ASTN1: variants seen among roughly 807,000 people sequenced by gnomAD.
ASTN1 encodes astrotactin 1, also known as astrotactin-1.
ASTN1 carries 41 observed loss-of-function variants against 140.7 expected under a neutral mutation model. That is an observed-to-expected ratio of 0.29 (90% CI 0.23 to 0.38). The LOEUF is 0.38. Ranked by LOEUF, ASTN1 falls within the 10% of genes least tolerant of loss-of-function variation. ASTN1 has a pLI of 1.00. For synonymous variants in ASTN1, 640 were observed against 652.2 expected, an observed-to-expected ratio of 0.98 and a Z score of 0.29; for missense variants, 1,479 against 1,678.8, an observed-to-expected ratio of 0.88 and a Z score of 2.08.
intron 1 of ASTN1, among the ~76,000 whole-genome samples, chr1:177,069,796 C>T (rs982266171): frequency 2.0e-5 from 3 of 151,542 alleles, no homozygotes; most frequent in Admixed American, 1.3e-4. Context: ...TTCTCTGGAT[C>T]TTTTCAAACC....
chr1:177,054,695 T>C (rs6694600), intron 2 of ASTN1, among the ~76,000 whole-genome samples: 12,311 of 152,152 alleles, frequency 0.081, 1,042 homozygotes, highest in African/African-American at 0.22. Context: ...TTAACAGCAG[T>C]GGGAACAAAG....
chr1:177,047,748 C>T (rs1677313915), intron 2 of ASTN1, among the ~76,000 whole-genome samples: 1 of 151,990 alleles, frequency 6.6e-6, no homozygotes, highest in Admixed American at 6.5e-5. Context: ...AAGGAAGGCA[C>T]AAGAAGAGGA....
At chr1:177,119,618 C>T (rs1386951992) in intron 1 of ASTN1, among the ~76,000 whole-genome samples, 1 of 152,188 alleles carries the variant, frequency 6.6e-6, no homozygotes. Flanking sequence ...AACCTCTCAT[C>T]CTTCAAGCAA....
chr1:176,868,659 G>A (rs574797916), intron 22 of ASTN1, among the ~76,000 whole-genome samples, 185 bp downstream of exon 22: 41 of 152,260 alleles, frequency 2.7e-4, no homozygotes, highest in Admixed American at 2.6e-3. Context: ...TGGCTGGACT[G>A]CTTAAATAGA....
At chr1:177,057,930 C>A (rs935382497) in intron 2 of ASTN1, among the ~76,000 whole-genome samples, 2 of 152,270 alleles carry the variant, frequency 1.3e-5, no homozygotes, top group Admixed American at 6.5e-5. Flanking sequence ...ATAAAGTCTA[C>A]CACCACTTGA....
At chr1:176,929,312 G>A (rs1671104056) in intron 16 of ASTN1, among the ~76,000 whole-genome samples, 2 of 152,214 alleles carry the variant, frequency 1.3e-5, no homozygotes, top group South Asian at 2.1e-4. Flanking sequence ...TCAAAAGGGT[G>A]TTTATAAAAG....
chr1:176,941,573 A>G, intron 14 of ASTN1, among the ~76,000 whole-genome samples: 1 of 152,158 alleles, frequency 6.6e-6, no homozygotes, highest in East Asian at 1.9e-4. Context: ...GTGAATGAGC[A>G]CCAGGTTTGG....
At chr1:176,986,980 C>G (rs536708309) in intron 8 of ASTN1, among the ~76,000 whole-genome samples, 1 of 152,050 alleles carries the variant, frequency 6.6e-6, no homozygotes, top group Non-Finnish European at 1.5e-5. Context: ...TGGGGGCAAG[C>G]GTGGATTTTG....
chr1:177,106,427 T>C (rs996086418), intron 1 of ASTN1, among the ~76,000 whole-genome samples: 3 of 152,176 alleles, frequency 2.0e-5, no homozygotes, highest in African/African-American at 7.2e-5. Flanking sequence ...TTTTCCTAAG[T>C]CCTGGCTTTC....
chr1:176,972,713 A>G (rs1673191100), intron 8 of ASTN1, among the ~76,000 whole-genome samples: 1 of 146,754 alleles, frequency 6.8e-6, no homozygotes, highest in African/African-American at 2.5e-5. Context: ...AAGAAAAATT[A>G]AATATTGATA....
At chr1:177,059,231 A>G (rs965171634) in intron 2 of ASTN1, among the ~76,000 whole-genome samples, 4 of 152,196 alleles carry the variant, frequency 2.6e-5, no homozygotes, top group Admixed American at 2.0e-4. Flanking sequence ...TGGATGGCTG[A>G]CGAGAAATCC....
chr1:177,163,202 A>G (rs550041182), intron 1 of ASTN1, among the ~76,000 whole-genome samples: 84 of 152,332 alleles, frequency 5.5e-4, no homozygotes, highest in Non-Finnish European at 9.3e-4. Context: ...TAGGGTATCA[A>G]GTAAATGGAA....
At chr1:176,890,292 C>T (rs193302768) in intron 17 of ASTN1, among the ~76,000 whole-genome samples, 173 of 152,298 alleles carry the variant, frequency 1.1e-3, no homozygotes, top group African/African-American at 3.9e-3. Flanking sequence ...CAGAAGGGTA[C>T]GCGGAGGCCT....
At chr1:176,966,839 T>A (rs1387628349) in intron 8 of ASTN1, among the ~76,000 whole-genome samples, 1 of 151,978 alleles carries the variant, frequency 6.6e-6, no homozygotes, top group Non-Finnish European at 1.5e-5. Context: ...ATATTAACAG[T>A]TATATCATTA....
At chr1:177,123,243 T>C (rs1681486883) in intron 1 of ASTN1, among the ~76,000 whole-genome samples, 1 of 152,108 alleles carries the variant, frequency 6.6e-6, no homozygotes, top group Non-Finnish European at 1.5e-5. Flanking sequence ...GATGGCTTCA[T>C]TCCAACAATC....
rs551321360 is a variant in ASTN1 at position 176,887,963 on chromosome 1, G to C, written c.3074+108C>G. ...TGAAAGCTCTCTAAAGGCAGGTATT[G>C]TGTCATATTTTTCTTTGTTTCCCAG... On this transcript the variant is annotated intron_variant, in intron 18 of 22. Transcript: ENST00000361833. 2.8e-5 allele frequency: 41 copies of C among 1,462,998 alleles called. No individual in the cohort carries two copies. In the African/African-American group the frequency reaches 5.3e-4, roughly 19 times the overall value. 90.6% of individuals were successfully genotyped at this position (1,462,998 alleles called of 1,614,324 possible). A position where few individuals can be genotyped will look rare whatever the true frequency, so the allele number is the denominator to read the frequency against.
At position 176,943,977 on chromosome 1, in the gene ASTN1, T is replaced by C. The variant is rs748527679; in HGVS notation, c.2291A>G (p.Asp764Gly). 2 of 1,614,058 alleles carry C rather than the reference T, an allele frequency of 1.2e-6. No homozygotes were observed. The highest frequency in any genetic ancestry group is 2.2e-5 in the East Asian group (1 of 44,872). Residue 764 changes from aspartate to glycine, a missense_variant, in exon 14 of 23, where the codon GAT becomes GGT. By Grantham distance (94) the Asp-to-Gly change is moderately conservative (BLOSUM62 -1). Around this residue, in one of 3 missense-constraint regions of ASTN1, gnomAD observed 746 missense variants for 800.9 expected, o/e 0.93. Transcript: ENST00000361833. ...GGGCACAGTGGCCACCACAAGACCA[T>C]CTGGCAGTTGCTGGTCTAAACCACG... Reference protein sequence around the residue: ...FARGLDQQLPDGLVVATVPLE... With the variant: ...FARGLDQQLPGGLVVATVPLE...
rs3979529 is a variant in ASTN1 at position 177,002,376 on chromosome 1, AACACACACACAC to A, written c.1523+12403_1523+12414del. On this transcript the variant is annotated intron_variant, in intron 8 of 22. Coordinates refer to ENST00000361833, the MANE Select transcript of ASTN1 (RefSeq NM_004319.3). ...AATAATAAAATGTGCCTTACACACAAACACACACACACACACACACACACACACACACACACA... is the reference window on the plus strand; with the variant it reads ...AATAATAAAATGTGCCTTACACACAAACACACACACACACACACACACACA... Among the ~76,000 whole-genome samples, 830 of 148,536 alleles carry A rather than the reference AACACACACACAC, an allele frequency of 5.6e-3. 8 individuals carry two copies. Among genetic ancestry groups the A allele is most frequent in the African/African-American group, 0.014 (565 of 40,290 alleles).
At chr1:177,126,437 G>C (rs530081579) in intron 1 of ASTN1, among the ~76,000 whole-genome samples, 1 of 152,156 alleles carries the variant, frequency 6.6e-6, no homozygotes, top group Admixed American at 6.5e-5. Flanking sequence ...AATGAAATGC[G>C]ATACTCTAGG....
Sources: gnomAD v4.1 joint callset for allele counts (sites outside exome capture counted in the v4.1 genomes callset) on GRCh38, gnomAD v4.1.1 for gene constraint, gnomAD v4.1.1 regional missense constraint, MANE v1.5 for transcripts, NCBI Gene and HGNC (gene_info 2026-07-23, HGNC 2026-07-21) for gene names.